The following CDKL3 variants were observed in gnomAD, a reference collection of about 807,000 sequenced individuals.
The protein encoded by CDKL3 is cyclin dependent kinase like 3, also known as cyclin-dependent kinase-like 3.
CDKL3 carries 65 observed loss-of-function variants against 69.3 expected under a neutral mutation model. The observed-to-expected ratio is 0.94, with a 90% CI of 0.77 to 1.15. CDKL3 has a LOEUF of 1.15. Among genes scored for constraint, CDKL3 ranks in the 50% most tolerant of loss-of-function variants. The pLI, the probability that CDKL3 is intolerant of heterozygous loss-of-function variation, is 0.00. For missense variants in CDKL3, 652 were observed against 689.2 expected, an observed-to-expected ratio of 0.95 and a Z score of 0.61; for synonymous variants, 202 against 221.6, an observed-to-expected ratio of 0.91 and a Z score of 0.79.
At chr5:134,312,100 A>T (rs921473604) in intron 7 of CDKL3, among the ~76,000 whole-genome samples, 192 bp downstream of exon 7, 1 of 152,082 alleles carries the variant, frequency 6.6e-6, no homozygotes, top group Non-Finnish European at 1.5e-5. Context: ...CCATCCTATT[A>T]TTAGGCTTTT....
chr5:134,365,679 A>G (rs1757236012), intron 2 of CDKL3, among the ~76,000 whole-genome samples: 1 of 152,122 alleles, frequency 6.6e-6, no homozygotes, highest in South Asian at 2.1e-4. Flanking sequence ...CCTTAGCCTA[A>G]AAGACTTTAA....
rs117118670 is a variant in CDKL3 at position 134,359,308 on chromosome 5, C to A, written c.360+589G>T. On this transcript the variant is annotated intron_variant, in intron 3 of 12. Transcript: ENST00000265334. ...AGCAAAACTCCATCTCAAAAACCAA[C>A]CAACCAACCAAACAAAAAACCTGCT... Among the ~76,000 whole-genome samples the A allele has an allele frequency of 2.8e-4, 43 of 152,196 alleles. No homozygotes were observed. The East Asian group carries it at 8.3e-3, about 29-fold the overall frequency.
chr5:134,302,310 C>T, intron 12 of CDKL3: 1 of 458,430 alleles, frequency 2.2e-6, no homozygotes. Flanking sequence ...TTTCACTAGT[C>T]TGACTTACCT....
At chr5:134,297,860 C>T (rs1765443149), downstream of CDKL3, among the ~76,000 whole-genome samples, 1 of 148,458 alleles carries the variant, frequency 6.7e-6, no homozygotes, top group Non-Finnish European at 1.5e-5. Context: ...GGATTACAGG[C>T]ATGAGCCACT....
rs753589504 is a variant in CDKL3 at position 134,321,897 on chromosome 5, C to T, written c.546G>A (p.Val182=). ...VLKDTSYGKP[V]DIWALGCMII... ...TCATACAGCCCAAAGCCCAGATATCCACAGGTCTGAAACAGATCAGGGAAA... is the reference window on the plus strand; with the variant it reads ...TCATACAGCCCAAAGCCCAGATATCTACAGGTCTGAAACAGATCAGGGAAA... Residue 182 remains valine (V), a synonymous_variant, in exon 5 of 13, where the codon GTG becomes GTA. Transcript: ENST00000265334. 1 of 1,584,844 alleles carries T rather than the reference C, an allele frequency of 6.3e-7. No homozygotes were observed. The highest frequency in any genetic ancestry group is 1.1e-5 in the South Asian group (1 of 89,600).
downstream of CDKL3, among the ~76,000 whole-genome samples, chr5:134,285,459 T>C (rs901895435): frequency 6.6e-6 from 1 of 152,218 alleles, no homozygotes; most frequent in African/African-American, 2.4e-5. Context: ...GGCCAAGCTC[T>C]ACATTGGCCC....
intron 4 of CDKL3, 136 bp from the exon 5 acceptor site, chr5:134,322,039 A>G: frequency 1.6e-6 from 1 of 621,480 alleles, no homozygotes. Flanking sequence ...TTTTTTTTCG[A>G]GACCGAGTCT....
upstream of CDKL3, among the ~76,000 whole-genome samples, chr5:134,369,247 C>T (rs913312244): frequency 6.6e-6 from 1 of 152,196 alleles, no homozygotes; most frequent in African/African-American, 2.4e-5. Context: ...TTCACTGAAT[C>T]AGTTAAAAGT....
In CDKL3 at chr5:134,298,771, A is replaced by G. The variant is rs746243179; in HGVS notation, c.1720-61T>C. The stretch of plus-strand genomic sequence containing the variant: ...CTGGAATGTAAATATATGCTACCAA[A>G]ACTCTGACTTTATTAATGCTAAATT... On this transcript the variant is annotated intron_variant, in intron 12 of 12. Transcript: ENST00000265334. 1.0e-5 allele frequency: 16 copies of G among 1,572,576 alleles called. No individual in the cohort carries two copies. The Middle Eastern group carries it at 8.5e-4, about 84-fold the overall frequency.
intron 4 of CDKL3, among the ~76,000 whole-genome samples, chr5:134,341,738 T>A (rs1214901391): frequency 6.6e-6 from 1 of 152,198 alleles, no homozygotes; most frequent in Admixed American, 6.5e-5. Flanking sequence ...CATCTTCCCT[T>A]CTCTTTGCCA....
At chr5:134,306,723 A>C in intron 9 of CDKL3, 21 bp from the exon 10 acceptor site, 1 of 870,098 alleles carries the variant, frequency 1.1e-6, no homozygotes, top group Non-Finnish European at 1.8e-6. Flanking sequence ...AAAATGAATG[A>C]GAAGTTACTA....
Position 134,306,592 on chromosome 5 carries a change from G to A in CDKL3, c.1458+17C>T. 2.1e-6 allele frequency: 3 copies of A among 1,429,930 alleles called. No homozygotes were observed. Among genetic ancestry groups the A allele is most frequent in the Non-Finnish European group, 2.9e-6 (3 of 1,017,764 alleles). The allele number at this position is 1,429,930 out of a possible 1,614,324, so 88.6% of individuals were successfully genotyped here. Reference sequence around the variant, plus strand: ...GTTAAAAGAGGCCATATTTTAATGTGTAGCTTCTTGCCTTACTTGAATAGG... The same window carrying A: ...GTTAAAAGAGGCCATATTTTAATGTATAGCTTCTTGCCTTACTTGAATAGG... On this transcript the variant is annotated intron_variant, in intron 10 of 12. Coordinates refer to ENST00000265334, the MANE Select transcript of CDKL3 (RefSeq NM_001113575.2).
chr5:134,369,423 AAG>A (rs553060965), upstream of CDKL3, among the ~76,000 whole-genome samples: 113 of 152,302 alleles, frequency 7.4e-4, 1 homozygote, highest in African/African-American at 2.1e-3. Context: ...TCAACAGGGA[AAG>A]AGGGGGTAGG....
chr5:134,309,047 T>C (rs1768672195), intron 7 of CDKL3, among the ~76,000 whole-genome samples: 1 of 152,264 alleles, frequency 6.6e-6, no homozygotes, highest in Admixed American at 6.5e-5. Context: ...GATACTGTTA[T>C]TTTTAAGGAA....
At chr5:134,299,549 G>T in intron 12 of CDKL3, 1 of 1,192,628 alleles carries the variant, frequency 8.4e-7, no homozygotes, top group Non-Finnish European at 1.1e-6. Context: ...AACAAATTTA[G>T]GTGAATGTAC....
At chr5:134,332,470 G>GT (rs1336487559) in intron 4 of CDKL3, among the ~76,000 whole-genome samples, 1 of 152,058 alleles carries the variant, frequency 6.6e-6, no homozygotes, top group Non-Finnish European at 1.5e-5. Flanking sequence ...TAATTTTTGT[G>GT]TAAGGTGAAA....
chr5:134,316,217 G>A (rs1208795380), intron 6 of CDKL3, among the ~76,000 whole-genome samples: 1 of 152,152 alleles, frequency 6.6e-6, no homozygotes, highest in African/African-American at 2.4e-5. Context: ...CTTCCAAAGT[G>A]CTAAGATTAT....
downstream of CDKL3, among the ~76,000 whole-genome samples, chr5:134,293,511 G>A (rs2149405226): frequency 6.6e-6 from 1 of 152,216 alleles, no homozygotes; most frequent in Non-Finnish European, 1.5e-5. Flanking sequence ...CATTAATATA[G>A]ATGCCAAAAT....
At chr5:134,293,370 T>C (rs917060425) in intron 8 of CDKL3, among the ~76,000 whole-genome samples, 1 of 151,938 alleles carries the variant, frequency 6.6e-6, no homozygotes, top group Non-Finnish European at 1.5e-5. Flanking sequence ...AAATCAATCC[T>C]ACACAAATTC....
Sources: allele counts gnomAD v4.1 joint callset (sites outside exome capture counted in the v4.1 genomes callset), GRCh38; gene constraint gnomAD v4.1.1; transcripts MANE v1.5; gene names NCBI Gene and HGNC (gene_info 2026-07-23, HGNC 2026-07-21).